Variants in P4HB observed in about 807,000 individuals in gnomAD.
The protein encoded by P4HB is protein disulfide-isomerase.
P4HB carries 20 observed loss-of-function variants against 52.6 expected under a neutral mutation model. The ratio of observed to expected loss-of-function variants is 0.38; its 90% confidence interval spans 0.27 to 0.55. The LOEUF (loss-of-function observed/expected upper bound fraction) is 0.55, where lower values mean the gene tolerates loss of function less well. P4HB is among the 20% of genes least tolerant of loss of function. The pLI, the probability that P4HB is intolerant of heterozygous loss-of-function variation, is 0.74. For synonymous variants in P4HB, 296 were observed against 277.9 expected, an observed-to-expected ratio of 1.07 and a Z score of -0.65; for missense variants, 601 against 669.2, an observed-to-expected ratio of 0.90 and a Z score of 1.12.
At chr17:81,845,540 C>T in intron 9 of P4HB, 21 bp downstream of exon 9, 1 of 1,569,714 alleles carries the variant, frequency 6.4e-7, no homozygotes, top group Non-Finnish European at 8.7e-7. Flanking sequence ...CGCCCCAGCC[C>T]CGTCTGGAGG....
intron 2 of P4HB, among the ~76,000 whole-genome samples, chr17:81,858,292 A>G (rs2038945878): frequency 6.6e-6 from 1 of 151,558 alleles, no homozygotes; most frequent in African/African-American, 2.4e-5. Context: ...AGGAAACATC[A>G]AAACAGCCAA....
chr17:81,846,492 C>T lies in P4HB; in HGVS notation c.993G>A (p.Ser331=), dbSNP rs199652113. 2.7e-5 allele frequency: 44 copies of T among 1,613,826 alleles called. No homozygotes were observed. Among genetic ancestry groups the T allele is most frequent in the Non-Finnish European group, 3.6e-5 (42 of 1,180,036 alleles). The stretch of plus-strand genomic sequence containing the variant: ...TGATCCTCTCTGCCGTCAGCTCCTC[C>T]GATTCGGGCTTGTACTTGGTCATCT... ...EEEMTKYKPE[S]EELTAERITE... The change falls in exon 7 of 11, where the codon TCG becomes TCA. Residue 331 remains serine (S), a synonymous_variant. Transcript: ENST00000331483. The surrounding 1 kb of genome is among the most constrained non-coding windows in gnomAD (Gnocchi z 5.7).
At position 81,855,492 on chromosome 17, in the gene P4HB, C is replaced by T. The variant is rs1312995866; in HGVS notation, c.447G>A (p.Leu149=). 3.1e-6 allele frequency: 5 copies of T among 1,613,948 alleles called. No homozygotes were observed. The highest frequency in any genetic ancestry group is 4.2e-6 in the Non-Finnish European group (5 of 1,179,998). The change falls in exon 3 of 11, where the codon TTG becomes TTA. Residue 149 remains leucine (L), a synonymous_variant. Transcript: ENST00000331483. The surrounding 1 kb of genome is among the most constrained non-coding windows in gnomAD (Gnocchi z 4.3). The part of the protein sequence containing the change: ...TLPDGAAAES[L]VESSEVAVIG... ...TGACAGCCACCTCGCTGGACTCCAC[C>T]AAGGACTCTGCAGCTGCGCCGTCAG...
intron 2 of P4HB, among the ~76,000 whole-genome samples, chr17:81,858,639 C>T (rs1389014753): frequency 3.3e-5 from 5 of 152,290 alleles, no homozygotes; most frequent in Admixed American, 6.5e-5. Context: ...GTGCTACAGA[C>T]GGAGCAGGGC....
chr17:81,858,945 C>T (rs370640375), intron 2 of P4HB: 8 of 538,864 alleles, frequency 1.5e-5, no homozygotes, highest in Admixed American at 3.1e-5. Flanking sequence ...CTCAGCCAGC[C>T]GCCCCCAGGA....
chr17:81,855,343 C>T lies in P4HB; in HGVS notation c.487-64G>A. 6.2e-7 allele frequency: 1 copy of T among 1,607,786 alleles called. No individual in the cohort carries two copies. Among genetic ancestry groups the T allele is most frequent in the Non-Finnish European group, 8.5e-7 (1 of 1,175,656 alleles). ...GCAGCACCAAGCAGTAGGGCAGACC[C>T]TGTAGAGCCCAGGCCAGGGGGGACA... is the stretch of plus-strand genomic sequence containing the variant. On this transcript the variant is annotated intron_variant, in intron 3 of 10. Coordinates refer to ENST00000331483, the MANE Select transcript of P4HB (RefSeq NM_000918.4). The surrounding 1 kb of genome is among the most constrained non-coding windows in gnomAD (Gnocchi z 4.3).
chr17:81,854,998 A>T lies in P4HB; in HGVS notation c.624+144T>A, dbSNP rs1203592790. ...ACCAGGCCACAGGCATCAGCGCAAC[A>T]CCCCAACTTGGCAAAGCTGCAGAAC... On this transcript the variant is annotated intron_variant, in intron 4 of 10. Coordinates refer to ENST00000331483, the MANE Select transcript of P4HB (RefSeq NM_000918.4). 10 of 785,122 alleles carry T rather than the reference A, an allele frequency of 1.3e-5. No individual in the cohort carries two copies. The East Asian group carries it at 2.2e-4, about 17-fold the overall frequency. The allele number at this position is 785,122 out of a possible 1,614,324, so 48.6% of individuals were successfully genotyped here.
intron 4 of P4HB, among the ~76,000 whole-genome samples, chr17:81,850,511 CTT>C (rs201845508): frequency 0.046 from 7,009 of 151,938 alleles, 386 homozygotes; most frequent in African/African-American, 0.13. Flanking sequence ...GAGTTTTGCT[CTT>C]GTTTCCCTGG....
At chr17:81,844,115 G>A in intron 10 of P4HB, 23 bp from the exon 11 acceptor site, 1 of 1,554,924 alleles carries the variant, frequency 6.4e-7, no homozygotes, top group Non-Finnish European at 8.9e-7. Flanking sequence ...AAAAGGGGCG[G>A]GGCGGGCAGG....
Position 81,846,549 on chromosome 17 carries a change from G to C in P4HB, c.936C>G (p.Cys312Trp). 4.3e-6 allele frequency: 7 copies of C among 1,614,038 alleles called. No homozygotes were observed. Among genetic ancestry groups the C allele is most frequent in the Non-Finnish European group, 5.9e-6 (7 of 1,180,002 alleles). ...CCAGGGTGATGAGGCGCACGGCCGG[G>C]CACTCTTCCTTCTTCAGGCCAAAGA... ...LEFFGLKKEE[C>W]PAVRLITLEE... Residue 312 changes from cysteine to tryptophan, a missense_variant, in exon 7 of 11, where the codon TGC becomes TGG. Coordinates refer to ENST00000331483, the MANE Select transcript of P4HB (RefSeq NM_000918.4). The surrounding 1 kb of genome is among the most constrained non-coding windows in gnomAD (Gnocchi z 5.7).
At chr17:81,850,032 T>C (rs1220460203) in intron 4 of P4HB, among the ~76,000 whole-genome samples, 1 of 150,928 alleles carries the variant, frequency 6.6e-6, no homozygotes, top group African/African-American at 2.4e-5. Context: ...TTTACCATGT[T>C]GGCCAGGCTG....
Position 81,845,046 on chromosome 17 carries a change from G to A in P4HB, c.1446+98C>T, listed in dbSNP as rs539995525. 8.3e-5 allele frequency: 84 copies of A among 1,010,336 alleles called. No homozygotes were observed. In the African/African-American group the frequency reaches 1.3e-3, roughly 15 times the overall value. The allele number at this position is 1,010,336 out of a possible 1,614,324, so 62.6% of individuals were successfully genotyped here. A position where few individuals can be genotyped will look rare whatever the true frequency, so the allele number is the denominator to read the frequency against. On this transcript the variant is annotated intron_variant, in intron 10 of 10. Coordinates refer to ENST00000331483, the MANE Select transcript of P4HB (RefSeq NM_000918.4). ...CTGGACGCACAGACGTGCCTCCAAT[G>A]GCACCATTCCCATCACAAGCCGAGC...
intron 4 of P4HB, among the ~76,000 whole-genome samples, chr17:81,854,439 G>A (rs2038881848): frequency 6.6e-6 from 1 of 152,134 alleles, no homozygotes; most frequent in African/African-American, 2.4e-5. Context: ...CTGCTCGGGA[G>A]GCTGAGGTTA....
chr17:81,853,465 T>C (rs976212059), intron 4 of P4HB, among the ~76,000 whole-genome samples: 3 of 151,586 alleles, frequency 2.0e-5, no homozygotes, highest in African/African-American at 7.3e-5. Context: ...TCCCAGCTAC[T>C]CGGGAGGCTG....
At chr17:81,860,196 G>T in intron 1 of P4HB, 131 bp downstream of exon 1, 1 of 739,242 alleles carries the variant, frequency 1.4e-6, no homozygotes, top group Non-Finnish European at 1.9e-6. Flanking sequence ...CCCAAGGCGG[G>T]CAGCAAGGGA....
chr17:81,859,715 T>G, intron 1 of P4HB: 2 of 373,266 alleles, frequency 5.4e-6, no homozygotes, highest in Non-Finnish European at 5.0e-6. Context: ...CCCCTAGACT[T>G]TCCCTTTAAG....
chr17:81,857,122 A>G (rs1425908640), intron 2 of P4HB, among the ~76,000 whole-genome samples: 4 of 152,062 alleles, frequency 2.6e-5, no homozygotes, highest in African/African-American at 7.2e-5. Context: ...GGGTTTCACC[A>G]TGTTGCCCAG....
At chr17:81,847,417 T>C in intron 4 of P4HB, 70 bp from the exon 5 acceptor site, 1 of 1,355,728 alleles carries the variant, frequency 7.4e-7, no homozygotes, top group Admixed American at 1.7e-5. Context: ...CGGGTCTCCC[T>C]GGACGTGGGA....
intron 4 of P4HB, among the ~76,000 whole-genome samples, chr17:81,854,825 G>A (rs1233536683): frequency 7.0e-6 from 1 of 143,630 alleles, no homozygotes; most frequent in Non-Finnish European, 1.5e-5. Flanking sequence ...ATGGGTGACA[G>A]AGCAAGACTC....
Sources: allele counts gnomAD v4.1 joint callset (sites outside exome capture counted in the v4.1 genomes callset), GRCh38; gene constraint gnomAD v4.1.1; non-coding constraint Gnocchi (gnomAD v3.1); transcripts MANE v1.5; gene names NCBI Gene and HGNC (gene_info 2026-07-23, HGNC 2026-07-21).